The following FHIT variants were observed in gnomAD, a reference collection of about 807,000 sequenced individuals.
FHIT encodes the protein bis(5'-adenosyl)-triphosphatase.
In FHIT, 19 loss-of-function variants were observed where a neutral mutation model predicts 17.9. The ratio of observed to expected loss-of-function variants is 1.06; its 90% CI spans 0.74 to 1.56. FHIT has a LOEUF of 1.56. Among genes scored for constraint, FHIT ranks in the 40% most tolerant of loss-of-function variants. FHIT has a pLI of 0.00. For missense variants in FHIT, 248 were observed against 189.2 expected (o/e 1.31, Z -1.82); for synonymous variants, 81 against 69.7 (o/e 1.16, Z -0.81).
At chr3:60,314,193 C>T (rs1025423910) in intron 5 of FHIT, among the ~76,000 whole-genome samples, 1 of 152,068 alleles carries the variant, frequency 6.6e-6, no homozygotes, top group East Asian at 1.9e-4. Context: ...CAGATCTTTA[C>T]AAAGAGGCCT....
intron 5 of FHIT, among the ~76,000 whole-genome samples, chr3:60,530,489 T>C (rs1029054895): frequency 1.3e-5 from 2 of 152,062 alleles, no homozygotes; most frequent in Admixed American, 6.6e-5. Flanking sequence ...GTTCTGTCTA[T>C]GATAAAAAAT....
chr3:61,046,093 G>C (rs1391867010), intron 2 of FHIT, among the ~76,000 whole-genome samples: 1 of 151,802 alleles, frequency 6.6e-6, no homozygotes, highest in Non-Finnish European at 1.5e-5. Context: ...GAGAAGCAAG[G>C]GCAAAGAAAT....
At chr3:60,609,266 C>G (rs1553672455) in intron 4 of FHIT, among the ~76,000 whole-genome samples, 1 of 152,134 alleles carries the variant, frequency 6.6e-6, no homozygotes, top group Non-Finnish European at 1.5e-5. Context: ...TGCCTTTATT[C>G]TGGTACTGTC....
Position 60,056,954 on chromosome 3 carries a change from G to T in FHIT, c.104-42802C>A, listed in dbSNP as rs890027716. 7.2e-5 allele frequency among the ~76,000 whole-genome samples: 11 copies of T among 152,246 alleles called. No individual in the cohort carries two copies. The South Asian group carries it at 2.3e-3, about 32-fold the overall frequency. On this transcript the variant is annotated intron_variant, in intron 5 of 9. Coordinates refer to ENST00000492590, the MANE Select transcript of FHIT (RefSeq NM_002012.4). Reference sequence around the variant, plus strand: ...CCAGAGGCCACTCTTCCTGGTCTGGGGATCTTGCCATCCCTGCCTGAAAGT... The same window carrying T: ...CCAGAGGCCACTCTTCCTGGTCTGGTGATCTTGCCATCCCTGCCTGAAAGT...
At chr3:60,332,558 A>T (rs1202806832) in intron 5 of FHIT, among the ~76,000 whole-genome samples, 1 of 152,200 alleles carries the variant, frequency 6.6e-6, no homozygotes, top group African/African-American at 2.4e-5. Context: ...AATGGGTGTT[A>T]ACCATCACAC....
intron 4 of FHIT, among the ~76,000 whole-genome samples, chr3:60,628,616 G>A (rs953809840): frequency 6.6e-6 from 1 of 152,114 alleles, no homozygotes; most frequent in South Asian, 2.1e-4. Context: ...CTCCAGGAGG[G>A]CTCTCTTACC....
At chr3:61,054,166 C>T (rs2034131326) in intron 2 of FHIT, among the ~76,000 whole-genome samples, 1 of 152,208 alleles carries the variant, frequency 6.6e-6, no homozygotes, top group East Asian at 1.9e-4. Context: ...AGAACAATCC[C>T]AACAGGAAAA....
chr3:60,849,465 A>ATAT (rs1559769296), intron 3 of FHIT, among the ~76,000 whole-genome samples: 4 of 120,668 alleles, frequency 3.3e-5, no homozygotes, highest in African/African-American at 1.0e-4. Context: ...TATATATATA[A>ATAT]AATTATTATG....
At chr3:60,369,395 T>C (rs1327752581) in intron 5 of FHIT, among the ~76,000 whole-genome samples, 1 of 152,228 alleles carries the variant, frequency 6.6e-6, no homozygotes, top group East Asian at 1.9e-4. Flanking sequence ...TTATTATAGC[T>C]ATGGTAACTC....
intron 7 of FHIT, among the ~76,000 whole-genome samples, chr3:59,958,541 G>T (rs1234763469): frequency 6.6e-6 from 1 of 152,166 alleles, no homozygotes; most frequent in Non-Finnish European, 1.5e-5. Flanking sequence ...TGTAAGGGAA[G>T]ATAACAAAAT....
chr3:60,497,481 A>G (rs2034348163), intron 5 of FHIT, among the ~76,000 whole-genome samples: 2 of 152,216 alleles, frequency 1.3e-5, no homozygotes, highest in African/African-American at 4.8e-5. Context: ...ATTTGATGAA[A>G]ATTACATAAT....
intron 1 of FHIT, among the ~76,000 whole-genome samples, chr3:61,211,451 G>A (rs956689569): frequency 1.3e-5 from 2 of 152,232 alleles, no homozygotes; most frequent in Non-Finnish European, 2.9e-5. Context: ...GAGGCTGGGG[G>A]AGGGGCGCCC....
intron 5 of FHIT, among the ~76,000 whole-genome samples, chr3:60,377,223 T>C (rs1700600676): frequency 6.7e-6 from 1 of 148,606 alleles, no homozygotes; most frequent in Non-Finnish European, 1.5e-5. Flanking sequence ...TTTTTTTTAA[T>C]GGAGTTTTGC....
intron 5 of FHIT, among the ~76,000 whole-genome samples, chr3:60,521,280 C>T (rs2035350324): frequency 6.6e-6 from 1 of 151,934 alleles, no homozygotes; most frequent in South Asian, 2.1e-4. Flanking sequence ...CGGAGGCTTG[C>T]TCTGTCTCCC....
chr3:60,220,716 T>C (rs998211342), intron 5 of FHIT, among the ~76,000 whole-genome samples: 2 of 152,170 alleles, frequency 1.3e-5, no homozygotes, highest in Non-Finnish European at 2.9e-5. Flanking sequence ...AATTCATGCA[T>C]GGTGGCAACA....
At chr3:60,708,450 C>G (rs868983629) in intron 4 of FHIT, among the ~76,000 whole-genome samples, 1 of 152,136 alleles carries the variant, frequency 6.6e-6, no homozygotes, top group African/African-American at 2.4e-5. Flanking sequence ...TATGTGACAC[C>G]CATGACATAT....
rs577560050 is a variant in FHIT at position 61,213,054 on chromosome 3, C to T, written c.-212-12389G>A. On this transcript the variant is annotated intron_variant, in intron 1 of 9. Transcript: ENST00000492590. ...CAGTACCAGCCACTGCAAAATCATG[C>T]CAAATTGTAAAGACCATCAAGGCTA... is the stretch of plus-strand genomic sequence containing the variant. 4.3e-3 allele frequency among the ~76,000 whole-genome samples: 661 copies of T among 152,234 alleles called. 4 individuals carry two copies. The highest frequency in any genetic ancestry group is 6.8e-3 in the Middle Eastern group (2 of 294).
In FHIT at chr3:59,994,027, C is replaced by G. The variant is rs559314698; in HGVS notation, c.279+17344G>C. Among the ~76,000 whole-genome samples the G allele has an allele frequency of 2.0e-5, 3 of 152,114 alleles. No individual in the cohort carries two copies. In the East Asian group the frequency reaches 5.8e-4, roughly 30 times the overall value. On this transcript the variant is annotated intron_variant, in intron 7 of 9. Coordinates refer to ENST00000492590, the MANE Select transcript of FHIT (RefSeq NM_002012.4). Reference sequence around the variant, plus strand: ...TATTCTCATAACTACTCTATGACACCAAGCACCATCATTATGTCTCTTTTA... The same window carrying G: ...TATTCTCATAACTACTCTATGACACGAAGCACCATCATTATGTCTCTTTTA...
chr3:60,926,131 A>G (rs541500255), intron 3 of FHIT, among the ~76,000 whole-genome samples: 3 of 152,286 alleles, frequency 2.0e-5, no homozygotes, highest in African/African-American at 7.2e-5. Flanking sequence ...TCCACTGTCA[A>G]CATTAGACAG....
Sources: allele counts gnomAD v4.1 joint callset (sites outside exome capture counted in the v4.1 genomes callset), GRCh38; gene constraint gnomAD v4.1.1; transcripts MANE v1.5; gene names NCBI Gene and HGNC (gene_info 2026-07-23, HGNC 2026-07-21).